The following FYB2 variants were observed in gnomAD, a reference collection of about 807,000 sequenced individuals.
The protein encoded by FYB2 is FYN-binding protein 2.
A neutral mutation model predicts 94.1 loss-of-function variants in FYB2; 103 were observed. That is an observed-to-expected ratio of 1.09 (90% confidence interval 0.93 to 1.29). FYB2 has a LOEUF of 1.29. Ranked by LOEUF, FYB2 falls within the 50% of genes most tolerant of loss-of-function variation. The pLI is 0.00. For synonymous variants in FYB2, 293 were observed against 287.9 expected, an observed-to-expected ratio of 1.02 and a Z score of -0.18; for missense variants, 896 against 841.5, an observed-to-expected ratio of 1.06 and a Z score of -0.80.
At position 56,792,682 on chromosome 1, in the gene FYB2, T is replaced by A. The variant is rs1389192016; in HGVS notation, c.131A>T (p.Gln44Leu). 6.2e-7 allele frequency: 1 copy of A among 1,614,028 alleles called. No individual in the cohort carries two copies. The highest frequency in any genetic ancestry group is 1.7e-5 in the Admixed American group (1 of 59,988). The change falls in exon 2 of 20, where the codon CAG becomes CTG. Residue 44 changes from glutamine to leucine, a missense_variant. Physicochemically the swap from Gln to Leu is moderately radical, Grantham distance 113. Transcript: ENST00000343433. ...VSPKGDIGGT[Q>L]STQILANGKP... is the part of the protein sequence containing the mutation. ...CCCATTGGCCAAAATTTGAGTTGAC[T>A]GTGTGCCTCCAATGTCACCCTTTGG... is the stretch of plus-strand genomic sequence containing the variant.
intron 7 of FYB2, among the ~76,000 whole-genome samples, chr1:56,755,028 A>G (rs1056082455): frequency 1.3e-5 from 2 of 152,184 alleles, no homozygotes; most frequent in Non-Finnish European, 2.9e-5. Context: ...AGATTCAACC[A>G]GGAAATTTTG....
intron 6 of FYB2, among the ~76,000 whole-genome samples, chr1:56,757,751 T>TTTCC: frequency 7.1e-6 from 1 of 141,092 alleles, no homozygotes; most frequent in Non-Finnish European, 1.5e-5. Flanking sequence ...TCTTTCTTTC[T>TTTCC]TTCTTTTCAT....
chr1:56,774,911 C>T (rs1222830025), intron 4 of FYB2, among the ~76,000 whole-genome samples: 2 of 152,108 alleles, frequency 1.3e-5, no homozygotes, highest in African/African-American at 4.8e-5. Context: ...AAACATTGGA[C>T]TCCAAGTTCT....
chr1:56,769,493 T>A lies in FYB2; in HGVS notation c.954-1555A>T, dbSNP rs138513190. Among the ~76,000 whole-genome samples, 214 of 152,168 alleles carry A rather than the reference T, an allele frequency of 1.4e-3. 4 individuals are homozygous for A. The highest frequency in any genetic ancestry group is 0.012 in the Admixed American group (188 of 15,282). On this transcript the variant is annotated intron_variant, in intron 4 of 19. Transcript: ENST00000343433. ...TTATAAAAAGAAAGAAGAAAGAGAA[T>A]GATGTAAAGGAGTCAATATTCAAAT...
chr1:56,804,974 G>T lies in FYB2; in HGVS notation c.10-12171C>A, dbSNP rs547365235. On this transcript the variant is annotated intron_variant, in intron 1 of 19. Transcript: ENST00000343433. The stretch of plus-strand genomic sequence containing the variant: ...AACTTGCCTCTGTGCATCTGCTGTT[G>T]CCCCTGCCCGGAATGCCCTTCCTGC... Among the ~76,000 whole-genome samples the T allele has an allele frequency of 2.2e-4, 33 of 152,128 alleles. 1 individual carries two copies. Among genetic ancestry groups the T allele is most frequent in the African/African-American group, 6.0e-4 (25 of 41,502 alleles).
intron 2 of FYB2, 36 bp from the exon 3 acceptor site, chr1:56,789,170 T>A: frequency 6.5e-7 from 1 of 1,528,562 alleles, no homozygotes; most frequent in Non-Finnish European, 8.8e-7. Context: ...AAGTTATGAT[T>A]ATTTTCATTT....
rs140402081 is a variant in FYB2 at position 56,814,987 on chromosome 1, G to C, written c.9+4295C>G. ...CATGACAAGACCTCAGTGATATTTA[G>C]TTGGACCTCCCATCTTAGAGGTGAA... On this transcript the variant is annotated intron_variant, in intron 1 of 19. Transcript: ENST00000343433. Among the ~76,000 whole-genome samples, 409 of 152,260 alleles carry C rather than the reference G, an allele frequency of 2.7e-3. 4 individuals are homozygous for C. The highest frequency in any genetic ancestry group is 9.3e-3 in the African/African-American group (386 of 41,560).
At chr1:56,755,787 C>G in intron 7 of FYB2, 109 bp downstream of exon 7, 1 of 1,104,518 alleles carries the variant, frequency 9.1e-7, no homozygotes, top group Non-Finnish European at 1.3e-6. Flanking sequence ...GGAAACTGAA[C>G]CAGGCTAGCT....
At chr1:56,764,337 T>C (rs1645571639) in intron 5 of FYB2, among the ~76,000 whole-genome samples, 2 of 152,196 alleles carry the variant, frequency 1.3e-5, no homozygotes, top group South Asian at 4.1e-4. Flanking sequence ...CCTTCTCTTC[T>C]CTTTCCAGAA....
chr1:56,744,402 A>G, intron 9 of FYB2, 136 bp from the exon 10 acceptor site: 1 of 652,652 alleles, frequency 1.5e-6, no homozygotes, highest in Non-Finnish European at 2.7e-6. Context: ...CAGTCTTGGT[A>G]TGTATGATCC....
rs773840265 is a variant in FYB2, at chr1:56,789,046, A to G, written c.846T>C (p.Pro282=). 6.2e-7 allele frequency: 1 copy of G among 1,614,044 alleles called. No homozygotes were observed. The highest frequency in any genetic ancestry group is 1.7e-5 in the Admixed American group (1 of 60,016). ...IDSLGPPPPK[P]SRPPIVNLQA... Reference sequence around the variant, plus strand: ...GGAGGTTCACGATGGGAGGTCTTGAAGGCTTTGGGGGAGGAGGACCCAGGG... The same window carrying G: ...GGAGGTTCACGATGGGAGGTCTTGAGGGCTTTGGGGGAGGAGGACCCAGGG... The change falls in exon 3 of 20, where the codon CCT becomes CCC. Residue 282 remains proline (P), a synonymous_variant. Transcript: ENST00000343433.
Position 56,720,257 on chromosome 1 carries a change from A to G in FYB2, c.2047T>C (p.Leu683=), listed in dbSNP as rs1644460960. The change falls in exon 18 of 20, where the codon TTG becomes CTG. Residue 683 remains leucine (L), a synonymous_variant. Transcript: ENST00000343433. ...AATTCTTCTCCAGGACTTATTGGCAAATCAAATATTCCATTTCTTGAATTA... is the reference window on the plus strand; with the variant it reads ...AATTCTTCTCCAGGACTTATTGGCAGATCAAATATTCCATTTCTTGAATTA... The part of the protein sequence containing the change: ...SNNSRNGIFD[L]PISPGEELEV... 6.2e-7 allele frequency: 1 copy of G among 1,612,028 alleles called. No homozygotes were observed. Among genetic ancestry groups the G allele is most frequent in the Admixed American group, 1.7e-5 (1 of 59,860 alleles).
chr1:56,782,594 G>C (rs1460695966), intron 4 of FYB2, among the ~76,000 whole-genome samples: 1 of 151,958 alleles, frequency 6.6e-6, no homozygotes, highest in Non-Finnish European at 1.5e-5. Flanking sequence ...CAAGTACTAG[G>C]CATAAAAGAA....
chr1:56,763,534 G>A (rs997122099), intron 5 of FYB2, among the ~76,000 whole-genome samples: 7 of 152,152 alleles, frequency 4.6e-5, no homozygotes, highest in African/African-American at 1.7e-4. Flanking sequence ...AAGTTTAAAT[G>A]TGGAGAGTTG....
rs141794406 is a variant in FYB2, at chr1:56,779,667, G to C, written c.953+7508C>G. 3.0e-3 allele frequency among the ~76,000 whole-genome samples: 458 copies of C among 152,166 alleles called. 7 individuals carry two copies. Among genetic ancestry groups the C allele is most frequent in the South Asian group, 0.022 (106 of 4,822 alleles). ...CATCCATCCTTCTCCCCATCATTTT[G>C]TTTATCTGTTATTCCACTGGCCCAT... On this transcript the variant is annotated intron_variant, in intron 4 of 19. Coordinates refer to ENST00000343433, the MANE Select transcript of FYB2 (RefSeq NM_001004303.5).
Position 56,740,812 on chromosome 1 carries a change from G to C in FYB2, c.1605-17C>G. 1 of 1,517,440 alleles carries C rather than the reference G, an allele frequency of 6.6e-7. No individual in the cohort carries two copies. Among genetic ancestry groups the C allele is most frequent in the East Asian group, 2.3e-5 (1 of 44,094 alleles). The allele number at this position is 1,517,440 out of a possible 1,614,324, so 94.0% of individuals were successfully genotyped here. A position where few individuals can be genotyped will look rare whatever the true frequency, so the allele number is the denominator to read the frequency against. On this transcript the variant is annotated splice_polypyrimidine_tract_variant and intron_variant, in intron 12 of 19. Coordinates refer to ENST00000343433, the MANE Select transcript of FYB2 (RefSeq NM_001004303.5). ...CCATCTAAACTGAGAGGAATCACAGGATATAAGTAACATGGCATTTAAGAG... is the reference window on the plus strand; with the variant it reads ...CCATCTAAACTGAGAGGAATCACAGCATATAAGTAACATGGCATTTAAGAG...
At chr1:56,787,270 A>C in intron 3 of FYB2, 62 bp from the exon 4 acceptor site, 4 of 1,583,264 alleles carry the variant, frequency 2.5e-6, no homozygotes, top group Non-Finnish European at 3.5e-6. Context: ...AAAGTGAATG[A>C]TGCTTGTGTG....
chr1:56,780,150 T>C (rs1645973945), intron 4 of FYB2, among the ~76,000 whole-genome samples: 1 of 152,128 alleles, frequency 6.6e-6, no homozygotes, highest in Non-Finnish European at 1.5e-5. Context: ...CCTTACTAAA[T>C]AAACCTTTGT....
chr1:56,806,875 T>G (rs1646659634), intron 1 of FYB2, among the ~76,000 whole-genome samples: 1 of 152,164 alleles, frequency 6.6e-6, no homozygotes, highest in African/African-American at 2.4e-5. Flanking sequence ...GGTGCCAAGT[T>G]CAAAATATAG....
Sources: gnomAD v4.1 joint callset for allele counts (sites outside exome capture counted in the v4.1 genomes callset) on GRCh38, gnomAD v4.1.1 for gene constraint, MANE v1.5 for transcripts, NCBI Gene and HGNC (gene_info 2026-07-23, HGNC 2026-07-21) for gene names.